The following FZD3 variants were observed in gnomAD, a reference collection of about 807,000 sequenced individuals.
The protein encoded by FZD3 is frizzled-3.
Under a neutral mutation model 60.7 loss-of-function variants are expected in FZD3, and 30 were observed. The observed-to-expected ratio is 0.49, with a 90% CI of 0.37 to 0.67. The LOEUF is 0.67. Among genes scored for constraint, FZD3 ranks in the 30% least tolerant of loss-of-function variants. The pLI is 0.00. For missense variants in FZD3, 605 were observed against 838.7 expected (o/e 0.72, Z 3.44); for synonymous variants, 246 against 275.2 (o/e 0.89, Z 1.05).
At chr8:28,515,069 ATC>A (rs2130327903) in intron 3 of FZD3, among the ~76,000 whole-genome samples, 1 of 152,320 alleles carries the variant, frequency 6.6e-6, no homozygotes, top group Admixed American at 6.5e-5. Context: ...CGTTTTCTGT[ATC>A]TCGTTTTCTT....
rs985387845 is a variant in FZD3 at position 28,573,797 on chromosome 8, A to T, written c.*10786A>T. 2.6e-5 allele frequency: 4 copies of T among 152,106 alleles called. No homozygotes were observed. Among genetic ancestry groups the T allele is most frequent in the African/African-American group, 9.7e-5 (4 of 41,434 alleles). The allele number at this position is 152,106 out of a possible 1,614,324, so 9.4% of individuals were successfully genotyped here. Reference sequence around the variant, plus strand: ...ATTCCTTTTCATTATTCTAAAAAATATGTCATTTTTAAATAGCTGGCACTT... The same window carrying T: ...ATTCCTTTTCATTATTCTAAAAAATTTGTCATTTTTAAATAGCTGGCACTT... On this transcript the variant is annotated 3_prime_UTR_variant, in exon 8 of 8. Transcript: ENST00000240093.
chr8:28,558,482 G>A (rs1651665783), intron 7 of FZD3, among the ~76,000 whole-genome samples: 1 of 151,532 alleles, frequency 6.6e-6, no homozygotes. Context: ...CCAGGCTGGA[G>A]TGCAGTGGTA....
Position 28,571,705 on chromosome 8 carries a change from A to C in FZD3, c.*8694A>C, listed in dbSNP as rs1170653437. The C allele has an allele frequency of 6.6e-6, 1 of 152,192 alleles. No individual in the cohort carries two copies. The highest frequency in any genetic ancestry group is 1.5e-5 in the Non-Finnish European group (1 of 68,034). 9.4% of individuals were successfully genotyped at this position (152,192 alleles called of 1,614,324 possible). A position where few individuals can be genotyped will look rare whatever the true frequency, so the allele number is the denominator to read the frequency against. On this transcript the variant is annotated 3_prime_UTR_variant, in exon 8 of 8. Coordinates refer to ENST00000240093, the MANE Select transcript of FZD3 (RefSeq NM_017412.4). The stretch of plus-strand genomic sequence containing the variant: ...TTTTATTTTCTCATTGAAGTGTAAA[A>C]GTATCACATATATGAAGGAATGGCT...
intron 5 of FZD3, among the ~76,000 whole-genome samples, chr8:28,548,360 G>A (rs577622369): frequency 2.0e-5 from 3 of 151,912 alleles, no homozygotes; most frequent in Non-Finnish European, 4.4e-5. Context: ...TGCTCAGGCT[G>A]GAGTGCAGTG....
chr8:28,534,159 A>ATT (rs1445594573), intron 5 of FZD3, among the ~76,000 whole-genome samples: 1 of 152,172 alleles, frequency 6.6e-6, no homozygotes, highest in Non-Finnish European at 1.5e-5. Context: ...GCCCATCTGA[A>ATT]CTGTAGCCTA....
chr8:28,527,859 G>A lies in FZD3; in HGVS notation c.1099G>A (p.Asp367Asn), dbSNP rs372290611. Residue 367 changes from aspartate (D) to asparagine (N), a missense_variant, in exon 5 of 8, where the codon GAT becomes AAT. Asp to Asn is a conservative substitution (Grantham distance 23). Transcript: ENST00000240093. The surrounding 1 kb of genome is among the most constrained non-coding windows in gnomAD (Gnocchi z 5.0). ...ISGVCFVGLY[D>N]VDALRYFVLA... ...TGGCGTGTGTTTTGTTGGCCTCTAC[G>A]ATGTTGATGCATTGAGATATTTTGT... The A allele has an allele frequency of 1.9e-6, 3 of 1,614,016 alleles. No individual in the cohort carries two copies. The highest frequency in any genetic ancestry group is 2.2e-5 in the South Asian group (2 of 91,086).
At chr8:28,519,587 C>G (rs1377503661) in intron 3 of FZD3, among the ~76,000 whole-genome samples, 1 of 151,692 alleles carries the variant, frequency 6.6e-6, no homozygotes, top group East Asian at 1.9e-4. Context: ...AAAATTAACC[C>G]TGTGTGGTGG....
At chr8:28,550,481 C>CTTTTTTTTTTTTTTTTTTTT (rs386412443) in intron 5 of FZD3, among the ~76,000 whole-genome samples, 6 of 34,338 alleles carry the variant, frequency 1.7e-4, no homozygotes, top group Admixed American at 1.6e-3. Context: ...CTTCTTTTAT[C>CTTTTTTTTTTTTTTTTTTTT]TTTTTTTTTT....
intron 3 of FZD3, among the ~76,000 whole-genome samples, chr8:28,513,509 G>GTTA (rs1804343241): frequency 6.6e-6 from 1 of 152,022 alleles, no homozygotes; most frequent in African/African-American, 2.4e-5. Flanking sequence ...ATAAACCTAT[G>GTTA]GGATTAAAGG....
At position 28,565,142 on chromosome 8, in the gene FZD3, T is replaced by C. The variant is rs916024969; in HGVS notation, c.*2131T>C. 3 of 152,188 alleles carry C rather than the reference T, an allele frequency of 2.0e-5. No homozygotes were observed. Among genetic ancestry groups the C allele is most frequent in the African/African-American group, 7.2e-5 (3 of 41,444 alleles). 9.4% of individuals were successfully genotyped at this position (152,188 alleles called of 1,614,324 possible). A position where few individuals can be genotyped will look rare whatever the true frequency, so the allele number is the denominator to read the frequency against. On this transcript the variant is annotated 3_prime_UTR_variant, in exon 8 of 8. Coordinates refer to ENST00000240093, the MANE Select transcript of FZD3 (RefSeq NM_017412.4). ...AGCAAAGTCAGTTTTCTGATAGTAA[T>C]AATTTGTCTATTATGTTATATATTT...
intron 5 of FZD3, among the ~76,000 whole-genome samples, chr8:28,538,121 A>AAATAATAAT (rs376137685): frequency 1.3e-5 from 2 of 149,772 alleles, no homozygotes; most frequent in South Asian, 4.2e-4. Flanking sequence ...CTTGTCTCCA[A>AAATAATAAT]AATAATAATA....
chr8:28,527,367 C>T lies in FZD3; in HGVS notation c.607C>T (p.Arg203Cys), dbSNP rs1336630473. The change falls in exon 5 of 8, where the codon CGC (arginine) becomes TGC (cysteine). Residue 203 changes from arginine to cysteine, a missense_variant. Physicochemically the swap from Arg to Cys is radical, Grantham distance 180. Transcript: ENST00000240093. This position sits in a 1 kb window ranked among gnomAD's most constrained non-coding sequence, Gnocchi z 5.0. ...CAGAAGAGAAGAACTGTCATTTGCT[C>T]GCTATTTCATAGGATTGATTTCAAT... ...YFRREELSFARYFIGLISIIC... is the reference protein window; with the variant it reads ...YFRREELSFACYFIGLISIIC... 4.3e-6 allele frequency: 7 copies of T among 1,613,624 alleles called. No homozygotes were observed. Among genetic ancestry groups the T allele is most frequent in the Non-Finnish European group, 5.1e-6 (6 of 1,179,586 alleles).
chr8:28,557,674 T>C (rs1245351665), intron 7 of FZD3, among the ~76,000 whole-genome samples: 2 of 152,318 alleles, frequency 1.3e-5, no homozygotes, highest in African/African-American at 4.8e-5. Flanking sequence ...CTTTATGCCT[T>C]GAAAGTGTAG....
At position 28,498,614 on chromosome 8, in the gene FZD3, T is replaced by G. The variant is rs60267406; in HGVS notation, c.-390-1319T>G. Among the ~76,000 whole-genome samples, 252 of 152,368 alleles carry G rather than the reference T, an allele frequency of 1.7e-3. 4 individuals are homozygous for G. In the East Asian group the frequency reaches 0.044, roughly 27 times the overall value. On this transcript the variant is annotated intron_variant, in intron 1 of 7. Transcript: ENST00000240093. ...TAATTTTTTTGAGACAGTCTCACTC[T>G]GTCACCCAGGCTGGATGCAGTAGTA...
rs1254599094 is a variant in FZD3, at chr8:28,555,833, G to A, written c.1649G>A (p.Gly550Glu). ...PNTPIIRKSR[G>E]TSTQGTSTHA... is the part of the protein sequence containing the mutation. Reference sequence around the variant, plus strand: ...ACTCCTATCATAAGAAAGTCAAGGGGAACTTCCACTCAAGGAACATCCACC... The same window carrying A: ...ACTCCTATCATAAGAAAGTCAAGGGAAACTTCCACTCAAGGAACATCCACC... Residue 550 changes from glycine (G) to glutamate (E), a missense_variant, in exon 7 of 8, where the codon GGA becomes GAA. Coordinates refer to ENST00000240093, the MANE Select transcript of FZD3 (RefSeq NM_017412.4). 6.2e-7 allele frequency: 1 copy of A among 1,613,418 alleles called. No homozygotes were observed. Among genetic ancestry groups the A allele is most frequent in the Non-Finnish European group, 8.5e-7 (1 of 1,179,364 alleles).
Position 28,520,490 on chromosome 8 carries a change from T to C in FZD3, c.190-148T>C, listed in dbSNP as rs74590347. The C allele has an allele frequency of 6.7e-3, 3,400 of 504,374 alleles. 95 individuals carry two copies. In the East Asian group the frequency reaches 0.073, roughly 11 times the overall value. The allele number at this position is 504,374 out of a possible 1,614,324, so 31.2% of individuals were successfully genotyped here. On this transcript the variant is annotated intron_variant, in intron 3 of 7. Transcript: ENST00000240093. ...TTCAAGGGTAGGGCTAGGACAGTTTTGTTTAAAAAAACAAAAACTCCCCTT... is the reference window on the plus strand; with the variant it reads ...TTCAAGGGTAGGGCTAGGACAGTTTCGTTTAAAAAAACAAAAACTCCCCTT...
At chr8:28,510,350 T>A (rs1272639438) in intron 3 of FZD3, among the ~76,000 whole-genome samples, 3 of 152,222 alleles carry the variant, frequency 2.0e-5, no homozygotes, top group Non-Finnish European at 4.4e-5. Context: ...GAAGTATAAA[T>A]GTATGTGTTA....
chr8:28,515,420 G>A lies in FZD3; in HGVS notation c.190-5218G>A, dbSNP rs118072432. On this transcript the variant is annotated intron_variant, in intron 3 of 7. Coordinates refer to ENST00000240093, the MANE Select transcript of FZD3 (RefSeq NM_017412.4). ...AAGTACACTTGGAAGAAGGCCAAGC[G>A]GGTGACTTGAGAGATCAAGTGCACG... 5.3e-4 allele frequency among the ~76,000 whole-genome samples: 81 copies of A among 152,282 alleles called. No homozygotes were observed. In the East Asian group the frequency reaches 0.013, roughly 25 times the overall value.
chr8:28,541,047 C>T (rs529821294), intron 5 of FZD3, among the ~76,000 whole-genome samples: 2 of 152,288 alleles, frequency 1.3e-5, no homozygotes, highest in African/African-American at 2.4e-5. Flanking sequence ...GTAGGCTTTG[C>T]CTTTCTAGCT....
Sources: gnomAD v4.1 joint callset for allele counts (sites outside exome capture counted in the v4.1 genomes callset) on GRCh38, gnomAD v4.1.1 for gene constraint, Gnocchi (gnomAD v3.1) non-coding constraint, MANE v1.5 for transcripts, NCBI Gene and HGNC (gene_info 2026-07-23, HGNC 2026-07-21) for gene names.